Variants in FAM135A observed in about 807,000 individuals in gnomAD.
FAM135A encodes the protein family with sequence similarity 135 member A, also known as protein FAM135A.
A neutral mutation model predicts 146.8 loss-of-function variants in FAM135A; 79 were observed. The observed-to-expected ratio is 0.54, with a 90% CI of 0.45 to 0.65. The LOEUF (loss-of-function observed/expected upper bound fraction) is 0.65. FAM135A is among the 30% of genes least tolerant of loss of function. The probability of loss-of-function intolerance (pLI) is 0.00; values close to 1 mark genes in which losing one functional copy is unlikely to be tolerated. For missense variants in FAM135A, 1,623 were observed against 1,758.2 expected (o/e 0.92, Z 1.38); for synonymous variants, 562 against 603.6 (o/e 0.93, Z 1.01).
intron 2 of FAM135A, among the ~76,000 whole-genome samples, chr6:70,423,465 A>AT (rs1769324421): frequency 2.0e-5 from 3 of 152,114 alleles, no homozygotes; most frequent in Non-Finnish European, 4.4e-5. Context: ...GAATTTGTCC[A>AT]TTTTTTTGCT....
chr6:70,552,642 G>A (rs960166650), intron 20 of FAM135A, among the ~76,000 whole-genome samples: 1 of 151,736 alleles, frequency 6.6e-6, no homozygotes, highest in African/African-American at 2.4e-5. Flanking sequence ...CTAATTTTTT[G>A]TATCTTTGGT....
intron 5 of FAM135A, among the ~76,000 whole-genome samples, chr6:70,467,718 C>T (rs1332760058): frequency 6.6e-6 from 1 of 151,886 alleles, no homozygotes; most frequent in African/African-American, 2.4e-5. Context: ...CTTCTTTTCT[C>T]CTTTTCTTCT....
At chr6:70,503,582 C>G (rs1286643896) in intron 12 of FAM135A, 1 of 152,154 alleles carries the variant, frequency 6.6e-6, no homozygotes, top group Non-Finnish European at 1.5e-5. Context: ...CAGATGTTCT[C>G]TCTGTATCTT....
At chr6:70,456,114 C>T (rs1037948565) in intron 5 of FAM135A, among the ~76,000 whole-genome samples, 2 of 152,156 alleles carry the variant, frequency 1.3e-5, no homozygotes, top group African/African-American at 2.4e-5. Context: ...CTGCGCCCAT[C>T]CTGAATATTA....
intron 2 of FAM135A, among the ~76,000 whole-genome samples, chr6:70,421,281 C>T (rs1255623984): frequency 6.6e-6 from 1 of 152,072 alleles, no homozygotes; most frequent in Non-Finnish European, 1.5e-5. Context: ...AAATATTTTA[C>T]ACTGCTTCTG....
chr6:70,413,892 G>A (rs1766849720), intron 1 of FAM135A, 190 bp downstream of exon 1: 1 of 985,282 alleles, frequency 1.0e-6, no homozygotes, highest in Non-Finnish European at 1.2e-6. Context: ...GGTGGGGACG[G>A]CGGTGCGGAG....
chr6:70,558,685 G>A (rs1262437415), intron 21 of FAM135A, among the ~76,000 whole-genome samples: 4 of 152,136 alleles, frequency 2.6e-5, no homozygotes, highest in African/African-American at 9.7e-5. Context: ...AAATGGTGGT[G>A]CACGCCTGTG....
rs201925053 is a variant in FAM135A, at chr6:70,425,074, C to CAT, written c.-133-1356_-133-1355dup. On this transcript the variant is annotated intron_variant, in intron 2 of 21. Transcript: ENST00000418814. The stretch of plus-strand genomic sequence containing the variant: ...CCTATATTTTAAGCATTATGCTATT[C>CAT]ATATATATATTCTATATATCTAATA... 3.0e-3 allele frequency among the ~76,000 whole-genome samples: 449 copies of CAT among 148,886 alleles called. 3 individuals are homozygous for CAT. Among genetic ancestry groups the CAT allele is most frequent in the African/African-American group, 0.01 (429 of 40,922 alleles).
chr6:70,426,051 C>A (rs1031497097), intron 2 of FAM135A, among the ~76,000 whole-genome samples: 50 of 150,410 alleles, frequency 3.3e-4, no homozygotes, highest in African/African-American at 1.1e-3. Flanking sequence ...TGCAGTGAGC[C>A]GAGATTGCGC....
At chr6:70,533,085 T>C in intron 16 of FAM135A, 75 bp from the exon 17 acceptor site, 3 of 1,191,170 alleles carry the variant, frequency 2.5e-6, no homozygotes, top group Non-Finnish European at 3.7e-6. Context: ...CTCTAAAAAC[T>C]GTAAAAATAT....
chr6:70,462,490 G>A (rs756499010), intron 5 of FAM135A, among the ~76,000 whole-genome samples: 46 of 152,028 alleles, frequency 3.0e-4, no homozygotes, highest in Non-Finnish European at 5.4e-4. Context: ...CTGAAATGGA[G>A]GGAAAAAGGG....
At chr6:70,488,827 G>C (rs1409822881) in intron 10 of FAM135A, among the ~76,000 whole-genome samples, 1 of 151,980 alleles carries the variant, frequency 6.6e-6, no homozygotes, top group African/African-American at 2.4e-5. Context: ...GTGTATAAGT[G>C]CACCTGCGTA....
intron 20 of FAM135A, among the ~76,000 whole-genome samples, chr6:70,543,904 C>G (rs1003689991): frequency 3.3e-5 from 5 of 152,082 alleles, no homozygotes; most frequent in Admixed American, 6.6e-5. Flanking sequence ...TCTGGTTGTA[C>G]TAGTCTAAAA....
At chr6:70,434,007 A>G (rs910298982) in intron 4 of FAM135A, among the ~76,000 whole-genome samples, 1 of 152,194 alleles carries the variant, frequency 6.6e-6, no homozygotes, top group African/African-American at 2.4e-5. Context: ...AACTCTGAAA[A>G]CGAAGTCAAA....
At chr6:70,552,468 T>G (rs1437808318) in intron 20 of FAM135A, among the ~76,000 whole-genome samples, 1 of 80,342 alleles carries the variant, frequency 1.2e-5, no homozygotes, top group East Asian at 2.4e-4. Flanking sequence ...GAAGATTCTT[T>G]TTTTTTTTTT....
chr6:70,465,497 C>T (rs1780275812), intron 5 of FAM135A, among the ~76,000 whole-genome samples: 1 of 152,130 alleles, frequency 6.6e-6, no homozygotes, highest in Non-Finnish European at 1.5e-5. Flanking sequence ...TCAAGGCTCA[C>T]TGCCCTCGAC....
chr6:70,431,292 T>A (rs1771539022), intron 4 of FAM135A, among the ~76,000 whole-genome samples: 1 of 152,236 alleles, frequency 6.6e-6, no homozygotes, highest in African/African-American at 2.4e-5. Context: ...TCAACGGTTC[T>A]ACTGATCTAG....
chr6:70,435,505 C>T (rs1448663056), intron 4 of FAM135A, among the ~76,000 whole-genome samples: 6 of 151,928 alleles, frequency 3.9e-5, no homozygotes, highest in Non-Finnish European at 8.8e-5. Context: ...TTTGATACAA[C>T]ACAGTTTTTT....
intron 10 of FAM135A, among the ~76,000 whole-genome samples, chr6:70,485,448 T>C (rs1169059994): frequency 6.6e-6 from 1 of 152,168 alleles, no homozygotes; most frequent in Non-Finnish European, 1.5e-5. Flanking sequence ...AAACTATCAA[T>C]GTCTTTTATT....
Sources: gnomAD v4.1 joint callset for allele counts (sites outside exome capture counted in the v4.1 genomes callset) on GRCh38, gnomAD v4.1.1 for gene constraint, MANE v1.5 for transcripts, NCBI Gene and HGNC (gene_info 2026-07-23, HGNC 2026-07-21) for gene names.